The following MAST3 variants were observed in gnomAD, a reference collection of about 807,000 sequenced individuals.
The protein encoded by MAST3 is microtubule associated serine/threonine kinase 3, also known as microtubule-associated serine/threonine-protein kinase 3.
Under a neutral mutation model 127.0 loss-of-function variants are expected in MAST3, and 43 were observed. That is an observed-to-expected ratio of 0.34 (90% confidence interval 0.27 to 0.44). The LOEUF (loss-of-function observed/expected upper bound fraction) is 0.44, where lower values mean the gene tolerates loss of function less well. Ranked by LOEUF, MAST3 falls within the 20% of genes least tolerant of loss-of-function variation. The pLI is 1.00. For synonymous variants in MAST3, 785 were observed against 809.2 expected, an observed-to-expected ratio of 0.97 and a Z score of 0.51; for missense variants, 1,390 against 1,919.1, an observed-to-expected ratio of 0.72 and a Z score of 5.15.
intron 1 of MAST3, among the ~76,000 whole-genome samples, chr19:18,104,048 T>TA (rs1029382500): frequency 7.9e-5 from 12 of 151,376 alleles, no homozygotes; most frequent in African/African-American, 2.9e-4. Context: ...CTCATCTCTA[T>TA]AAAAAATACA....
At chr19:18,134,542 C>T (rs779594251) in intron 15 of MAST3, 37 bp from the exon 16 acceptor site, 6 of 1,573,184 alleles carry the variant, frequency 3.8e-6, no homozygotes, top group South Asian at 1.2e-5. Flanking sequence ...GGCACCCCAG[C>T]CCCCCAGCTC....
At chr19:18,123,817 T>C (rs2147216571) in intron 8 of MAST3, 122 bp from the exon 9 acceptor site, 1 of 1,053,434 alleles carries the variant, frequency 9.5e-7, no homozygotes, top group Non-Finnish European at 1.4e-6. Context: ...GCACCAGCCC[T>C]CCCACCCGAT....
chr19:18,143,727 C>G (rs1355909065), intron 21 of MAST3, 36 bp from the exon 22 acceptor site: 2 of 1,610,228 alleles, frequency 1.2e-6, no homozygotes, highest in Non-Finnish European at 1.7e-6. Context: ...GGTGCAGGTG[C>G]CTGGCAGGGG....
At chr19:18,129,201 G>T (rs2040992306) in intron 13 of MAST3, 1 of 534,114 alleles carries the variant, frequency 1.9e-6, no homozygotes, top group Non-Finnish European at 3.4e-6. Flanking sequence ...AGGGGCTTGG[G>T]GGCTGATCAA....
In MAST3 at chr19:18,110,397, G is replaced by T. The variant is rs2038454608; in HGVS notation, c.72-255G>T. 1.0e-6 allele frequency: 1 copy of T among 985,502 alleles called. No homozygotes were observed. The highest frequency in any genetic ancestry group is 1.2e-6 in the Non-Finnish European group (1 of 829,958). The allele number at this position is 985,502 out of a possible 1,614,324, so 61.0% of individuals were successfully genotyped here. ...TGTTGGGCAGGGCGGGGGTATGCGG[G>T]GTGCAGGGAGGACAGGATGACAACT... On this transcript the variant is annotated intron_variant, in intron 2 of 27. Transcript: ENST00000687212. This position sits in a 1 kb window ranked among gnomAD's most constrained non-coding sequence, Gnocchi z 4.3.
In MAST3 at chr19:18,145,223, C is replaced by T. The variant is rs772251495; in HGVS notation, c.3033C>T (p.Val1011=). Reference sequence around the variant, plus strand: ...GCGACGTCTACACTGTGCACCACGTCGTCTGGGTGAGTGCCGAGTGGGAAT... The same window carrying T: ...GCGACGTCTACACTGTGCACCACGTTGTCTGGGTGAGTGCCGAGTGGGAAT... The part of the protein sequence containing the change: ...GDSDVYTVHH[V]VWSVEDGSPA... The change falls in exon 24 of 28, where the codon GTC becomes GTT. Residue 1011 remains valine, a synonymous_variant. Coordinates refer to ENST00000687212, the MANE Select transcript of MAST3 (RefSeq NM_001393504.1). This position sits in a 1 kb window ranked among gnomAD's most constrained non-coding sequence, Gnocchi z 5.9. The T allele has an allele frequency of 1.2e-5, 20 of 1,612,964 alleles. No individual in the cohort carries two copies. Among genetic ancestry groups the T allele is most frequent in the African/African-American group, 6.7e-5 (5 of 74,894 alleles).
At chr19:18,124,931 A>AC (rs111723470) in intron 11 of MAST3, among the ~76,000 whole-genome samples, 157 bp downstream of exon 11, 11,891 of 135,638 alleles carry the variant, frequency 0.088, 1,103 homozygotes, top group African/African-American at 0.25. Context: ...CATGGTGGAA[A>AC]CCCCCCCCCT....
At position 18,122,883 on chromosome 19, in the gene MAST3, C is replaced by T. The variant is rs917501817; in HGVS notation, c.399+132C>T. The T allele has an allele frequency of 3.9e-5, 39 of 1,005,812 alleles. No individual in the cohort carries two copies. In the Middle Eastern group the frequency reaches 8.4e-4, roughly 22 times the overall value. The allele number at this position is 1,005,812 out of a possible 1,614,324, so 62.3% of individuals were successfully genotyped here. A position where few individuals can be genotyped will look rare whatever the true frequency, so the allele number is the denominator to read the frequency against. On this transcript the variant is annotated intron_variant, in intron 6 of 27. Transcript: ENST00000687212. ...ACATACTAGTTACTTCCTCCATGCA[C>T]GCCCCATTCTGGGAAATGCAGGGTC...
At position 18,121,611 on chromosome 19, in the gene MAST3, T is replaced by G. The variant is rs2039987235; in HGVS notation, c.162-74T>G. 4.0e-6 allele frequency: 5 copies of G among 1,261,028 alleles called. No homozygotes were observed. In the East Asian group the frequency reaches 9.3e-5, roughly 23 times the overall value. 78.1% of individuals were successfully genotyped at this position (1,261,028 alleles called of 1,614,324 possible). On this transcript the variant is annotated intron_variant, in intron 3 of 27. Transcript: ENST00000687212. ...CCTTCTCCAGAACGGGCTGCGAGTG[T>G]GATTTAGGCTGGGCAGGTGGCTTAG...
At chr19:18,135,079 G>A (rs1599833516) in intron 17 of MAST3, 97 bp downstream of exon 17, 2 of 1,441,334 alleles carry the variant, frequency 1.4e-6, no homozygotes, top group East Asian at 4.6e-5. Context: ...AGCAGGAAGA[G>A]GGGAGGGAGT....
At chr19:18,113,549 C>A (rs1370405611) in intron 3 of MAST3, among the ~76,000 whole-genome samples, 3 of 152,198 alleles carry the variant, frequency 2.0e-5, no homozygotes, top group Admixed American at 1.3e-4. Context: ...CAACCTCCGC[C>A]TCCTGGATTC....
At chr19:18,099,335 AG>A (rs1370782294) in intron 1 of MAST3, among the ~76,000 whole-genome samples, 1 of 5,336 alleles carries the variant, frequency 1.9e-4, no homozygotes, top group Non-Finnish European at 3.3e-4. Flanking sequence ...GGCGGAAAGG[AG>A]GGGGCGGGGC....
Position 18,131,891 on chromosome 19 carries a change from C to G in MAST3, c.1433-18C>G, listed in dbSNP as rs1374279340. The G allele has an allele frequency of 1.3e-6, 2 of 1,558,474 alleles. No homozygotes were observed. Among genetic ancestry groups the G allele is most frequent in the Non-Finnish European group, 1.7e-6 (2 of 1,155,484 alleles). On this transcript the variant is annotated intron_variant, in intron 14 of 27. Transcript: ENST00000687212. ...GGGGGTGCCCCGGGCCTCATGACTA[C>G]ATCCGCCCTTCTCCCAGGCGGCGAC... is the stretch of plus-strand genomic sequence containing the variant.
At chr19:18,133,951 G>C (rs1382918079) in intron 15 of MAST3, among the ~76,000 whole-genome samples, 3 of 152,136 alleles carry the variant, frequency 2.0e-5, no homozygotes, top group Non-Finnish European at 4.4e-5. Context: ...CTACATCATA[G>C]TGTCTTATGC....
Position 18,123,858 on chromosome 19 carries a change from A to G in MAST3, c.634-81A>G. On this transcript the variant is annotated intron_variant, in intron 8 of 27. Coordinates refer to ENST00000687212, the MANE Select transcript of MAST3 (RefSeq NM_001393504.1). The stretch of plus-strand genomic sequence containing the variant: ...CATTGCCCCATCTCCTCTCTCCCCA[A>G]CCATGCCTCTCCTGCCCCATTCTGC... 2 of 1,352,236 alleles carry G rather than the reference A, an allele frequency of 1.5e-6. No homozygotes were observed. Among genetic ancestry groups the G allele is most frequent in the African/African-American group, 1.4e-5 (1 of 69,170 alleles). 83.8% of individuals were successfully genotyped at this position (1,352,236 alleles called of 1,614,324 possible). A position where few individuals can be genotyped will look rare whatever the true frequency, so the allele number is the denominator to read the frequency against.
At chr19:18,137,455 A>C (rs1344100971) in intron 19 of MAST3, 94 bp downstream of exon 19, 2 of 1,393,220 alleles carry the variant, frequency 1.4e-6, no homozygotes, top group African/African-American at 1.4e-5. Flanking sequence ...ATTCCACCCG[A>C]GCTTGGCACC....
At chr19:18,143,736 G>T in intron 21 of MAST3, 27 bp from the exon 22 acceptor site, 1 of 1,612,116 alleles carries the variant, frequency 6.2e-7, no homozygotes. Context: ...GCCTGGCAGG[G>T]GTGATGCAGG....
intron 11 of MAST3, among the ~76,000 whole-genome samples, chr19:18,125,830 C>T (rs1195458487): frequency 2.6e-5 from 4 of 151,662 alleles, no homozygotes; most frequent in South Asian, 4.2e-4. Context: ...GAGACTGAGG[C>T]GGGTGGATCA....
At chr19:18,116,232 T>C (rs554278845) in intron 3 of MAST3, among the ~76,000 whole-genome samples, 11 of 151,374 alleles carry the variant, frequency 7.3e-5, no homozygotes, top group Middle Eastern at 6.8e-3. Context: ...CAGCTGGGAA[T>C]ACAGGCATGC....
Sources: allele counts gnomAD v4.1 joint callset (sites outside exome capture counted in the v4.1 genomes callset), GRCh38; gene constraint gnomAD v4.1.1; non-coding constraint Gnocchi (gnomAD v3.1); transcripts MANE v1.5; gene names NCBI Gene and HGNC (gene_info 2026-07-23, HGNC 2026-07-21).